DST: variants seen among roughly 807,000 people sequenced by gnomAD.
The protein encoded by DST is dystonin.
In DST, 253 loss-of-function variants were observed where a neutral mutation model predicts 875.2. That is an observed-to-expected ratio of 0.29 (90% CI 0.26 to 0.32). The LOEUF (loss-of-function observed/expected upper bound fraction) is 0.32, where lower values mean the gene tolerates loss of function less well. Ranked by LOEUF, DST falls within the 10% of genes least tolerant of loss-of-function variation. DST has a pLI of 1.00. For synonymous variants in DST, 3,124 were observed against 3,197.1 expected, an observed-to-expected ratio of 0.98 and a Z score of 0.77; for missense variants, 8,287 against 9,111.6, an observed-to-expected ratio of 0.91 and a Z score of 3.68.
At position 56,640,203 on chromosome 6, in the gene DST, T is replaced by G. The variant is rs1360148812; in HGVS notation, c.2430A>C (p.Thr810=). The part of the protein sequence containing the change: ...LKSSLLDQNL[T]EEEINMKFVQ... ...CAAATTTCATATTGATTTCTTCTTC[T>G]GTTAAATTTTGATCCAGCAAAGAAG... The change falls in exon 18 of 104, where the codon ACA becomes ACC. Residue 810 remains threonine (T), a synonymous_variant. Transcript: ENST00000680361. 6 of 1,614,080 alleles carry G rather than the reference T, an allele frequency of 3.7e-6. No individual in the cohort carries two copies. The highest frequency in any genetic ancestry group is 5.1e-6 in the Non-Finnish European group (6 of 1,180,038).
chr6:56,733,507 T>C (rs1043777071), intron 5 of DST, among the ~76,000 whole-genome samples: 1 of 152,206 alleles, frequency 6.6e-6, no homozygotes, highest in Non-Finnish European at 1.5e-5. Flanking sequence ...TTATTTAGAC[T>C]ATCTCATTTA....
At chr6:56,547,585 A>G (rs2097252226) in intron 61 of DST, among the ~76,000 whole-genome samples, 2 of 152,358 alleles carry the variant, frequency 1.3e-5, no homozygotes, top group East Asian at 1.9e-4. Context: ...AATAAAATGG[A>G]AAATAATTTG....
chr6:56,578,976 C>A, intron 49 of DST, 39 bp from the exon 50 acceptor site: 1 of 1,479,970 alleles, frequency 6.8e-7, no homozygotes, highest in Non-Finnish European at 9.1e-7. Flanking sequence ...CTCAGCAGGA[C>A]TAAATAATAG....
At chr6:56,627,134 G>T in intron 34 of DST, 70 bp downstream of exon 34, 1 of 1,122,362 alleles carries the variant, frequency 8.9e-7, no homozygotes, top group Non-Finnish European at 1.4e-6. Context: ...TGACTTGCAT[G>T]GCTTTAACAG....
intron 8 of DST, 54 bp from the exon 9 acceptor site, chr6:56,699,799 G>T: frequency 1.3e-6 from 1 of 780,086 alleles, no homozygotes; most frequent in Non-Finnish European, 2.0e-6. Context: ...ACCTGAACCA[G>T]TTATCTTTAC....
Position 56,634,410 on chromosome 6 carries a change from C to T in DST, c.3494+52G>A, listed in dbSNP as rs1352129225. On this transcript the variant is annotated intron_variant, in intron 26 of 103. Coordinates refer to ENST00000680361, the MANE Select transcript of DST (RefSeq NM_001374736.1). ...ACAAAGTATTGATTGTTCCTTCAAC[C>T]TTCAGAGGGCCCCCAAAACTAGCTC... 8 of 1,610,604 alleles carry T rather than the reference C, an allele frequency of 5.0e-6. No individual in the cohort carries two copies. In the Admixed American group the frequency reaches 8.3e-5, roughly 17 times the overall value.
intron 4 of DST, among the ~76,000 whole-genome samples, chr6:56,749,480 G>C (rs2099581460): frequency 6.6e-6 from 1 of 152,116 alleles, no homozygotes. Flanking sequence ...GTATGGACTG[G>C]TACCATGAAT....
At chr6:56,467,831 T>C (rs1036590177) in intron 98 of DST, among the ~76,000 whole-genome samples, 2 of 152,182 alleles carry the variant, frequency 1.3e-5, no homozygotes, top group African/African-American at 4.8e-5. Context: ...GAAAATAGAC[T>C]AATGTTGCTG....
At chr6:56,700,562 G>C (rs760868341) in intron 8 of DST, among the ~76,000 whole-genome samples, 1 of 151,882 alleles carries the variant, frequency 6.6e-6, no homozygotes, top group Non-Finnish European at 1.5e-5. Flanking sequence ...TAAGTCACTG[G>C]GCATTTGGAA....
chr6:56,729,407 A>G (rs1367813203), intron 5 of DST, among the ~76,000 whole-genome samples: 1 of 152,136 alleles, frequency 6.6e-6, no homozygotes, highest in East Asian at 1.9e-4. Context: ...CCTGACCAAC[A>G]TGAAGAAACC....
At chr6:56,550,599 G>C (rs751110917) in intron 61 of DST, among the ~76,000 whole-genome samples, 2 of 152,142 alleles carry the variant, frequency 1.3e-5, no homozygotes, top group Admixed American at 1.3e-4. Flanking sequence ...GGAGACACCC[G>C]CAAATAGCAG....
chr6:56,585,362 A>T (rs2098125933), intron 49 of DST, among the ~76,000 whole-genome samples: 1 of 151,868 alleles, frequency 6.6e-6, no homozygotes, highest in Non-Finnish European at 1.5e-5. Flanking sequence ...TTTCTTCTAG[A>T]TTTTCTAGTG....
At position 56,704,939 on chromosome 6, in the gene DST, C is replaced by T. The variant is rs574406791; in HGVS notation, c.688-570G>A. ...TAGAAGTCCTCTGTCCAAACCCTTC[C>T]TCTGCACAATGTAAGTCTTCTTATA... On this transcript the variant is annotated intron_variant, in intron 5 of 103. Transcript: ENST00000680361. Among the ~76,000 whole-genome samples, 5 of 152,270 alleles carry T rather than the reference C, an allele frequency of 3.3e-5. No individual in the cohort carries two copies. The East Asian group carries it at 9.6e-4, about 29-fold the overall frequency.
intron 4 of DST, among the ~76,000 whole-genome samples, chr6:56,825,972 A>G (rs1357344406): frequency 6.6e-6 from 1 of 152,236 alleles, no homozygotes; most frequent in Non-Finnish European, 1.5e-5. Flanking sequence ...ACTCAATAAC[A>G]CTATATATAA....
chr6:56,485,843 T>A (rs1244665366), intron 87 of DST, among the ~76,000 whole-genome samples: 13 of 152,124 alleles, frequency 8.5e-5, no homozygotes, highest in Admixed American at 8.5e-4. Flanking sequence ...CATGTATAGA[T>A]TCACGTAATC....
In DST at chr6:56,604,165, T is replaced by C. The variant is rs2098472771; in HGVS notation, c.10463A>G (p.Gln3488Arg). ...RGITSKVLPL[Q>R]LENIFYKLLA... ...CAGTTTGTAGAAAATATTTTCAAGC[T>C]GCAGTGGAAGTACTTTAGACGTAAT... Residue 3488 changes from glutamine (Q) to arginine (R), a missense_variant, in exon 40 of 104, where the codon CAG (glutamine) becomes CGG (arginine). By Grantham distance (43) the Gln-to-Arg change is conservative. Around this residue, in one of 10 missense-constraint regions of DST, gnomAD observed 3,138 missense variants for 3,116.6 expected, o/e 1.01. Transcript: ENST00000680361. 7 of 1,595,948 alleles carry C rather than the reference T, an allele frequency of 4.4e-6. No homozygotes were observed. The highest frequency in any genetic ancestry group is 6.0e-6 in the Non-Finnish European group (7 of 1,169,582).
intron 4 of DST, among the ~76,000 whole-genome samples, chr6:56,759,177 G>A (rs1043561078): frequency 1.3e-5 from 2 of 152,168 alleles, no homozygotes; most frequent in East Asian, 1.9e-4. Flanking sequence ...CAGCCCAGGC[G>A]CAGTGGCTCA....
chr6:56,665,029 C>T (rs2099065324), intron 10 of DST, among the ~76,000 whole-genome samples: 1 of 152,158 alleles, frequency 6.6e-6, no homozygotes. Context: ...ATAACTTTGT[C>T]ATTCTTACTA....
At chr6:56,843,819 G>A (rs2099803935) in intron 4 of DST, among the ~76,000 whole-genome samples, 1 of 151,752 alleles carries the variant, frequency 6.6e-6, no homozygotes, top group Non-Finnish European at 1.5e-5. Flanking sequence ...GCTCAGCTCC[G>A]GCCCCGGCGC....
Sources: allele counts gnomAD v4.1 joint callset (sites outside exome capture counted in the v4.1 genomes callset), GRCh38; gene constraint gnomAD v4.1.1; regional missense constraint gnomAD v4.1.1; transcripts MANE v1.5; gene names NCBI Gene and HGNC (gene_info 2026-07-23, HGNC 2026-07-21).